PRSS23: variants seen among roughly 807,000 people sequenced by gnomAD.
The protein encoded by PRSS23 is protease, serine 23.
In PRSS23, 25 loss-of-function variants were observed where a neutral mutation model predicts 34.7. The observed-to-expected ratio is 0.72, with a 90% confidence interval of 0.53 to 1.01. The LOEUF is 1.01. Among genes scored for constraint, PRSS23 ranks in the 50% least tolerant of loss-of-function variants. PRSS23 has a pLI of 0.00. For synonymous variants in PRSS23, 176 were observed against 186.6 expected (o/e 0.94, Z 0.46); for missense variants, 445 against 475.6 (o/e 0.94, Z 0.60).
exon 3 of PRSS23, chr11:86,951,512 T>G: frequency 1.2e-6 from 2 of 1,614,188 alleles, no homozygotes; most frequent in Non-Finnish European, 1.7e-6. Context: ...TGACCGAATT[T>G]TGAACAAGGC....
At chr11:86,901,080 C>T (rs931524689) in intron 2 of PRSS23, among the ~76,000 whole-genome samples, 4 of 151,996 alleles carry the variant, frequency 2.6e-5, no homozygotes, top group East Asian at 1.9e-4. Context: ...CAACCATACC[C>T]GGCTTATCAT....
intron 1 of PRSS23, among the ~76,000 whole-genome samples, chr11:86,806,955 C>T (rs1474282536): frequency 1.3e-5 from 2 of 152,134 alleles, no homozygotes; most frequent in Middle Eastern, 3.2e-3. Context: ...TATTAGAAGC[C>T]TAGCCACTCT....
At position 86,808,603 on chromosome 11, in the gene PRSS23, C is replaced by G. The variant is rs1377443324; in HGVS notation, c.960C>G (p.Val320=). The change falls in exon 2 of 2, where the codon GTC becomes GTG. Residue 320 remains valine, a synonymous_variant. Coordinates refer to ENST00000280258, the MANE Select transcript of PRSS23 (RefSeq NM_007173.6). The part of the protein sequence containing the change: ...DAQPGASGSG[V]YVRMWKRQQQ... ...AGCCAGGGGCCAGCGGGTCTGGGGTCTATGTGAGGATGTGGAAGAGACAGC... is the reference window on the plus strand; with the variant it reads ...AGCCAGGGGCCAGCGGGTCTGGGGTGTATGTGAGGATGTGGAAGAGACAGC... 1.9e-6 allele frequency: 3 copies of G among 1,613,998 alleles called. No individual in the cohort carries two copies. The highest frequency in any genetic ancestry group is 2.5e-6 in the Non-Finnish European group (3 of 1,180,038).
At chr11:86,937,182 T>C (rs10792893) in intron 2 of PRSS23, 95,162 of 152,100 alleles carry the variant, frequency 0.63, 30,266 homozygotes, top group Non-Finnish European at 0.69. Context: ...TGGTCAATGA[T>C]TCTTAATCAG....
At chr11:86,881,824 AGT>A (rs1003230139) in intron 2 of PRSS23, among the ~76,000 whole-genome samples, 1 of 152,184 alleles carries the variant, frequency 6.6e-6, no homozygotes, top group African/African-American at 2.4e-5. Flanking sequence ...CAAATTCATT[AGT>A]GTGTGTCTTT....
intron 2 of PRSS23, among the ~76,000 whole-genome samples, chr11:86,825,317 T>C (rs1948290996): frequency 6.6e-6 from 1 of 152,172 alleles, no homozygotes; most frequent in South Asian, 2.1e-4. Context: ...GCCCACTTTT[T>C]GATGGGGTTG....
rs1349607564 is a variant in PRSS23 at position 86,808,448 on chromosome 11, G to A, written c.805G>A (p.Ala269Thr). The change falls in exon 2 of 2, where the codon GCT (alanine) becomes ACT (threonine). Residue 269 changes from alanine to threonine, a missense_variant. Physicochemically the swap from Ala to Thr is moderately conservative, Grantham distance 58 (BLOSUM62 0). Coordinates refer to ENST00000280258, the MANE Select transcript of PRSS23 (RefSeq NM_007173.6). ...TATGAAGATTGGGGTGAGCCCTCCT[G>A]CTAAGCAGCTGCCAGGGGGCAGAAT... ...KFMKIGVSPPAKQLPGGRIHF... is the reference protein window; with the variant it reads ...KFMKIGVSPPTKQLPGGRIHF... 2 of 1,614,224 alleles carry A rather than the reference G, an allele frequency of 1.2e-6. No homozygotes were observed. Among genetic ancestry groups the A allele is most frequent in the South Asian group, 1.1e-5 (1 of 91,090 alleles).
At chr11:86,892,190 T>C (rs1948846318) in intron 2 of PRSS23, 1 of 152,228 alleles carries the variant, frequency 6.6e-6, no homozygotes. Flanking sequence ...CTATTTGCCT[T>C]GTTAAAATGA....
At chr11:86,913,331 G>C (rs1331395521) in intron 2 of PRSS23, among the ~76,000 whole-genome samples, 9 of 139,300 alleles carry the variant, frequency 6.5e-5, no homozygotes, top group Non-Finnish European at 3.0e-5. Flanking sequence ...TAGTCTTTTT[G>C]TCCAAATGCT....
At chr11:86,819,796 CTT>C (rs1314430537) in intron 1 of PRSS23, among the ~76,000 whole-genome samples, 1 of 152,168 alleles carries the variant, frequency 6.6e-6, no homozygotes, top group African/African-American at 2.4e-5. Flanking sequence ...CACAATAACT[CTT>C]TTAAATATAA....
chr11:86,824,776 A>G (rs543598804), intron 2 of PRSS23, among the ~76,000 whole-genome samples: 1 of 151,788 alleles, frequency 6.6e-6, no homozygotes, highest in Admixed American at 6.6e-5. Flanking sequence ...GATGATTTCC[A>G]ATTTTATCCA....
At chr11:86,939,294 C>T (rs1001097449) in intron 2 of PRSS23, among the ~76,000 whole-genome samples, 4 of 151,216 alleles carry the variant, frequency 2.6e-5, no homozygotes, top group African/African-American at 9.7e-5. Context: ...TGCCTGTATT[C>T]ACCACTAGGT....
At chr11:86,801,657 A>G (rs1948040128) in intron 1 of PRSS23, among the ~76,000 whole-genome samples, 2 of 152,206 alleles carry the variant, frequency 1.3e-5, no homozygotes, top group South Asian at 2.1e-4. Flanking sequence ...CCCTATGTCA[A>G]AGTAGTATCA....
At chr11:86,923,128 CTTTTT>C (rs34997377) in intron 2 of PRSS23, among the ~76,000 whole-genome samples, 1 of 127,736 alleles carries the variant, frequency 7.8e-6, no homozygotes, top group Non-Finnish European at 1.7e-5. Context: ...TTCCTGTCTA[CTTTTT>C]TTTTTTTTTT....
Position 86,807,646 on chromosome 11 carries a change from GGC to G in PRSS23, c.4_5del (p.Ala2ArgfsTer69), listed in dbSNP as rs1368279105. 3.7e-6 allele frequency: 6 copies of G among 1,608,028 alleles called. No individual in the cohort carries two copies. The Admixed American group carries it at 1.0e-4, about 27-fold the overall frequency. On this transcript the variant is annotated frameshift_variant, in exon 2 of 2. Coordinates refer to ENST00000280258, the MANE Select transcript of PRSS23 (RefSeq NM_007173.6). LOFTEE classifies it high-confidence loss of function. Reference protein sequence around the residue: MAGIPGLLFLLF... With the variant: MXGIPGLLFLLF... ...GTTTCTACAGAACAGTGCTCGGCAT[GGC>G]AGGGATTCCAGGGCTCCTCTTCCTT...
chr11:86,811,435 A>C (rs1415225856), downstream of PRSS23, among the ~76,000 whole-genome samples: 3 of 152,220 alleles, frequency 2.0e-5, no homozygotes, highest in African/African-American at 7.2e-5. Context: ...AATTAGAAGT[A>C]ATAAATTTGA....
intron 1 of PRSS23, among the ~76,000 whole-genome samples, chr11:86,792,056 G>A (rs898449311): frequency 1.3e-5 from 2 of 152,118 alleles, no homozygotes; most frequent in African/African-American, 4.8e-5. Flanking sequence ...TTTGAAGCAG[G>A]CTTTCCCAAT....
chr11:86,808,869 C>A lies in PRSS23; in HGVS notation c.*74C>A. ...TAGGAGAGGCCAAATTGTTTTTTGT[C>A]ATTGGCGTGCACACGTGTGTGTGTG... On this transcript the variant is annotated 3_prime_UTR_variant, in exon 2 of 2. Coordinates refer to ENST00000280258, the MANE Select transcript of PRSS23 (RefSeq NM_007173.6). 7.9e-7 allele frequency: 1 copy of A among 1,273,230 alleles called. No individual in the cohort carries two copies. The highest frequency in any genetic ancestry group is 1.4e-5 in the South Asian group (1 of 70,928). The allele number at this position is 1,273,230 out of a possible 1,614,324, so 78.9% of individuals were successfully genotyped here.
intron 2 of PRSS23, among the ~76,000 whole-genome samples, chr11:86,839,780 G>T (rs371623749): frequency 6.6e-6 from 1 of 151,308 alleles, no homozygotes; most frequent in East Asian, 1.9e-4. Flanking sequence ...AGCCAGAAGA[G>T]AGTGGGGGCC....
Sources: allele counts gnomAD v4.1 joint callset (sites outside exome capture counted in the v4.1 genomes callset), GRCh38; gene constraint gnomAD v4.1.1; transcripts MANE v1.5; gene names NCBI Gene and HGNC (gene_info 2026-07-23, HGNC 2026-07-21).